The following FLNB variants were observed in gnomAD, a reference collection of about 807,000 sequenced individuals.
The protein encoded by FLNB is filamin-B.
FLNB carries 111 observed loss-of-function variants against 250.6 expected under a neutral mutation model. The ratio of observed to expected loss-of-function variants is 0.44; its 90% confidence interval spans 0.38 to 0.52. The LOEUF is 0.52. Among genes scored for constraint, FLNB ranks in the 20% least tolerant of loss-of-function variants. The pLI is 0.00. For synonymous variants in FLNB, 1,302 were observed against 1,372.1 expected (o/e 0.95, Z 1.13); for missense variants, 2,869 against 3,447.8 (o/e 0.83, Z 4.20).
chr3:58,116,455 A>G (rs2097278089), intron 18 of FLNB, among the ~76,000 whole-genome samples: 1 of 152,108 alleles, frequency 6.6e-6, no homozygotes, highest in African/African-American at 2.4e-5. Flanking sequence ...TGCCTGAGTA[A>G]CCCAGGTCCC....
chr3:58,156,831 A>T (rs537535525), intron 41 of FLNB, among the ~76,000 whole-genome samples: 2 of 152,230 alleles, frequency 1.3e-5, no homozygotes, highest in East Asian at 3.9e-4. Context: ...TGAGTAGCTG[A>T]GACTCCAGGC....
intron 32 of FLNB, 117 bp downstream of exon 32, chr3:58,143,730 A>G: frequency 7.9e-7 from 1 of 1,260,902 alleles, no homozygotes; most frequent in Non-Finnish European, 1.1e-6. Flanking sequence ...TGGAGAATGC[A>G]GCGTTGGTAC....
chr3:58,058,869 C>G (rs572042953), intron 1 of FLNB, among the ~76,000 whole-genome samples: 50 of 152,266 alleles, frequency 3.3e-4, no homozygotes, highest in African/African-American at 1.1e-3. Context: ...AACCTCCCAG[C>G]CTCTGGGAAT....
chr3:58,148,727 C>T lies in FLNB; in HGVS notation c.5966C>T (p.Pro1989Leu). The T allele has an allele frequency of 1.2e-6, 2 of 1,614,070 alleles. No homozygotes were observed. The highest frequency in any genetic ancestry group is 2.2e-5 in the East Asian group (1 of 44,870). ...KKNGNHVANS[P>L]VSIMVVQSEI... is the part of the protein sequence containing the mutation. ...AATGGCAACCATGTGGCCAACAGCCCCGTGTCTATCATGGTGGTCCAGTCG... is the reference window on the plus strand; with the variant it reads ...AATGGCAACCATGTGGCCAACAGCCTCGTGTCTATCATGGTGGTCCAGTCG... The change falls in exon 36 of 46, where the codon CCC becomes CTC. Residue 1989 changes from proline to leucine, a missense_variant. Around this residue, in one of 5 missense-constraint regions of FLNB, gnomAD observed 1,084 missense variants for 1,315.5 expected, o/e 0.82. Coordinates refer to ENST00000295956, the MANE Select transcript of FLNB (RefSeq NM_001457.4).
chr3:58,144,066 C>T (rs1050543269), intron 32 of FLNB, among the ~76,000 whole-genome samples: 2 of 152,194 alleles, frequency 1.3e-5, no homozygotes, highest in South Asian at 4.1e-4. Context: ...GGTCACCAAC[C>T]AGCACAGTGT....
chr3:58,068,176 G>T (rs556408275), intron 1 of FLNB, among the ~76,000 whole-genome samples: 1 of 152,356 alleles, frequency 6.6e-6, no homozygotes, highest in South Asian at 2.1e-4. Context: ...ACTTCCAGGG[G>T]AGGCTGACTG....
At chr3:58,127,775 C>T (rs1196166179) in intron 24 of FLNB, among the ~76,000 whole-genome samples, 1 of 152,200 alleles carries the variant, frequency 6.6e-6, no homozygotes, top group African/African-American at 2.4e-5. Context: ...AAAGACCCTC[C>T]TCCATTTGTT....
chr3:58,065,005 A>C (rs935742090), intron 1 of FLNB, among the ~76,000 whole-genome samples: 10 of 151,968 alleles, frequency 6.6e-5, no homozygotes, highest in African/African-American at 1.9e-4. Context: ...GTGCCACTGC[A>C]CTCCAGCTTG....
intron 1 of FLNB, among the ~76,000 whole-genome samples, chr3:58,022,157 C>CTG (rs1414390421): frequency 1.3e-5 from 2 of 152,166 alleles, no homozygotes; most frequent in Non-Finnish European, 2.9e-5. Flanking sequence ...GGGGCAGGCG[C>CTG]TGTGTCTCTT....
intron 12 of FLNB, among the ~76,000 whole-genome samples, chr3:58,108,090 A>G (rs2097262611): frequency 6.6e-6 from 1 of 151,440 alleles, no homozygotes; most frequent in Non-Finnish European, 1.5e-5. Context: ...GCCACACATA[A>G]AATACTAATG....
In FLNB at chr3:58,104,138, G is replaced by A. The variant is rs528968388; in HGVS notation, c.1610+53G>A. On this transcript the variant is annotated intron_variant, in intron 10 of 45. Coordinates refer to ENST00000295956, the MANE Select transcript of FLNB (RefSeq NM_001457.4). ...CTCTGGAGGGTGCTCGGCCCAGGGC[G>A]GACTCATGGGTAGTTGCTTCCCGGG... 372 of 1,600,304 alleles carry A rather than the reference G, an allele frequency of 2.3e-4. 4 individuals carry two copies. The South Asian group carries it at 3.7e-3, about 16-fold the overall frequency.
At chr3:58,151,298 A>T (rs999906749) in intron 38 of FLNB, 1 of 151,172 alleles carries the variant, frequency 6.6e-6, no homozygotes, top group Non-Finnish European at 1.5e-5. Context: ...AGGCTGAGGC[A>T]CAAGAATTGC....
Position 58,063,283 on chromosome 3 carries a change from C to T in FLNB, c.293-13763C>T, listed in dbSNP as rs528908842. Among the ~76,000 whole-genome samples the T allele has an allele frequency of 2.0e-3, 311 of 152,324 alleles. 1 individual carries two copies. The highest frequency in any genetic ancestry group is 7.1e-3 in the African/African-American group (295 of 41,576). ...TTCTTTGAGTGGGTTCCACCCATCCCTGCACCATGCCTTTTACTTTGGATG... is the reference window on the plus strand; with the variant it reads ...TTCTTTGAGTGGGTTCCACCCATCCTTGCACCATGCCTTTTACTTTGGATG... On this transcript the variant is annotated intron_variant, in intron 1 of 45. Coordinates refer to ENST00000295956, the MANE Select transcript of FLNB (RefSeq NM_001457.4).
chr3:58,030,964 A>G (rs1301488529), intron 1 of FLNB, among the ~76,000 whole-genome samples: 1 of 152,190 alleles, frequency 6.6e-6, no homozygotes, highest in Admixed American at 6.5e-5. Context: ...AAATTAGAAA[A>G]GGCAAATTGC....
In FLNB at chr3:58,143,600, C is replaced by T; in HGVS notation, c.5412C>T (p.Gly1804=). The change falls in exon 32 of 46, where the codon GGC becomes GGT. Residue 1804 remains glycine, a synonymous_variant. Coordinates refer to ENST00000295956, the MANE Select transcript of FLNB (RefSeq NM_001457.4). ...GLHEMHIKYM[G]SHIPESPLQF... ...ATGAGATGCACATCAAATACATGGG[C>T]AGCCACATCCCTGGTAAGCTGAGTC... The T allele has an allele frequency of 6.2e-7, 1 of 1,614,058 alleles. No individual in the cohort carries two copies. The highest frequency in any genetic ancestry group is 8.5e-7 in the Non-Finnish European group (1 of 1,180,052).
chr3:58,122,187 A>C (rs909346910), intron 20 of FLNB, among the ~76,000 whole-genome samples: 14 of 125,164 alleles, frequency 1.1e-4, no homozygotes, highest in South Asian at 5.3e-4. Context: ...AAAAAAAAAA[A>C]CCACAAAAAA....
intron 1 of FLNB, among the ~76,000 whole-genome samples, chr3:58,064,648 T>C (rs1190796714): frequency 6.6e-6 from 1 of 152,000 alleles, no homozygotes; most frequent in African/African-American, 2.4e-5. Flanking sequence ...TACCTGAGAA[T>C]AGCTCTGTGC....
intron 11 of FLNB, 30 bp downstream of exon 11, chr3:58,105,246 T>C (rs1559696170): frequency 1.2e-6 from 2 of 1,613,954 alleles, no homozygotes; most frequent in Non-Finnish European, 1.7e-6. Context: ...CAGCATCTTC[T>C]GGAGGACTGA....
chr3:58,078,701 T>C lies in FLNB; in HGVS notation c.542-16T>C. ...GTCAGCTAATGCTAAAAGAATCTTT[T>C]GTGTTCTGTTAACAGGTCTGTGCCC... On this transcript the variant is annotated splice_polypyrimidine_tract_variant and intron_variant, in intron 2 of 45. Transcript: ENST00000295956. The C allele has an allele frequency of 6.2e-7, 1 of 1,607,134 alleles. No homozygotes were observed. Among genetic ancestry groups the C allele is most frequent in the South Asian group, 1.1e-5 (1 of 90,318 alleles).
Sources: gnomAD v4.1 joint callset for allele counts (sites outside exome capture counted in the v4.1 genomes callset) on GRCh38, gnomAD v4.1.1 for gene constraint, gnomAD v4.1.1 regional missense constraint, MANE v1.5 for transcripts, NCBI Gene and HGNC (gene_info 2026-07-23, HGNC 2026-07-21) for gene names.